Variants in MEGF11 observed in about 807,000 individuals in gnomAD.
MEGF11 encodes the protein multiple EGF like domains 11.
A neutral mutation model predicts 146.6 loss-of-function variants in MEGF11; 126 were observed. The observed-to-expected ratio is 0.86, with a 90% CI of 0.74 to 1.00. The LOEUF (loss-of-function observed/expected upper bound fraction) is 1.00, where lower values mean the gene tolerates loss of function less well. Among genes scored for constraint, MEGF11 ranks in the 50% least tolerant of loss-of-function variants. MEGF11 has a pLI of 0.00. For synonymous variants in MEGF11, 532 were observed against 583.4 expected, an observed-to-expected ratio of 0.91 and a Z score of 1.27; for missense variants, 1,509 against 1,521.2, an observed-to-expected ratio of 0.99 and a Z score of 0.13.
chr15:66,095,822 CG>C (rs1490403282), intron 4 of MEGF11, among the ~76,000 whole-genome samples: 4 of 152,160 alleles, frequency 2.6e-5, no homozygotes, highest in Non-Finnish European at 4.4e-5. Context: ...AGGTAGCCTT[CG>C]GGGAGGGTTG....
intron 13 of MEGF11, 51 bp from the exon 14 acceptor site, chr15:65,923,020 G>C: frequency 2.5e-6 from 4 of 1,586,802 alleles, no homozygotes; most frequent in Non-Finnish European, 3.4e-6. Context: ...TGAGGATGAA[G>C]GGAAGAATGG....
intron 4 of MEGF11, among the ~76,000 whole-genome samples, chr15:66,095,173 C>T (rs1360277236): frequency 6.6e-6 from 1 of 152,236 alleles, no homozygotes; most frequent in South Asian, 2.1e-4. Flanking sequence ...TGGGAGGTTA[C>T]AGCGGCAGGC....
intron 1 of MEGF11, among the ~76,000 whole-genome samples, chr15:66,228,670 C>A (rs1323858485): frequency 6.6e-6 from 1 of 152,220 alleles, no homozygotes; most frequent in Non-Finnish European, 1.5e-5. Flanking sequence ...GGTTGGGACT[C>A]ATCACCTTAT....
At chr15:65,965,616 T>TCTTTCTTTCTTTCTTTCTTTC (rs1567180156) in intron 8 of MEGF11, among the ~76,000 whole-genome samples, 9 of 115,448 alleles carry the variant, frequency 7.8e-5, no homozygotes, top group East Asian at 2.4e-4. Context: ...TTTTTTTCTT[T>TCTTTCTTTCTTTCTTTCTTTC]TTTTTTTTTT....
chr15:66,151,189 G>A (rs756906318), intron 1 of MEGF11, among the ~76,000 whole-genome samples: 23 of 152,226 alleles, frequency 1.5e-4, no homozygotes, highest in Middle Eastern at 3.4e-3. Flanking sequence ...GGCTGCATGC[G>A]GAAAGCCACA....
intron 5 of MEGF11, among the ~76,000 whole-genome samples, chr15:66,092,323 C>T (rs1197279079): frequency 6.6e-6 from 1 of 152,248 alleles, no homozygotes; most frequent in Non-Finnish European, 1.5e-5. Flanking sequence ...TTCAATGCTG[C>T]TGTCCCTCAA....
intron 9 of MEGF11, among the ~76,000 whole-genome samples, chr15:65,961,841 G>C (rs2080867792): frequency 6.6e-6 from 1 of 152,084 alleles, no homozygotes; most frequent in Non-Finnish European, 1.5e-5. Flanking sequence ...AGAAGGCAGG[G>C]AGCTTTGAGG....
At chr15:66,238,644 T>G (rs1213042268) in intron 1 of MEGF11, among the ~76,000 whole-genome samples, 1 of 152,124 alleles carries the variant, frequency 6.6e-6, no homozygotes, top group African/African-American at 2.4e-5. Flanking sequence ...CTGAGATAGG[T>G]TCTATCATAA....
intron 23 of MEGF11, among the ~76,000 whole-genome samples, chr15:65,908,084 C>T (rs2078684771): frequency 6.6e-6 from 1 of 152,150 alleles, no homozygotes. Context: ...ATTAAATGCC[C>T]TAGATACTGT....
At chr15:66,129,583 C>T (rs2088553954) in intron 1 of MEGF11, among the ~76,000 whole-genome samples, 1 of 152,142 alleles carries the variant, frequency 6.6e-6, no homozygotes, top group Admixed American at 6.5e-5. Context: ...GGGTCACAGG[C>T]TTGAAATGGT....
At chr15:66,044,362 C>T (rs1305338401) in intron 5 of MEGF11, among the ~76,000 whole-genome samples, 2 of 152,152 alleles carry the variant, frequency 1.3e-5, no homozygotes, top group African/African-American at 2.4e-5. Flanking sequence ...CATCCATCAC[C>T]TGCTCATTAC....
At chr15:66,089,280 T>C (rs1027712786) in intron 5 of MEGF11, among the ~76,000 whole-genome samples, 1 of 152,224 alleles carries the variant, frequency 6.6e-6, no homozygotes, top group African/African-American at 2.4e-5. Context: ...AGTCCTGCCT[T>C]GTGCCCAGTG....
chr15:65,905,702 A>G (rs981205239), intron 24 of MEGF11: 1 of 166,622 alleles, frequency 6.0e-6, no homozygotes, highest in Admixed American at 6.4e-5. Flanking sequence ...GCAGGGTGGC[A>G]TTCCTTGCTA....
chr15:65,929,966 G>A (rs2079515662), intron 11 of MEGF11, 83 bp from the exon 12 acceptor site: 5 of 1,335,930 alleles, frequency 3.7e-6, no homozygotes, highest in East Asian at 5.1e-5. Flanking sequence ...TCTGCACACA[G>A]CATTCCACCC....
chr15:65,957,693 A>G lies in MEGF11; in HGVS notation c.1141T>C (p.Cys381Arg). ...TGGTGACCAGACCAGCCTGGCTGGC[A>G]GGTACAAGCTCCAGTTACTGGGTGG... ...SCHPVTGACT[C>R]QPGWSGHHCN... Residue 381 changes from cysteine (C) to arginine (R), a missense_variant, in exon 10 of 26, where the codon TGC becomes CGC. By Grantham distance (180) the Cys-to-Arg change is radical (BLOSUM62 -3). Transcript: ENST00000395614. 6.2e-7 allele frequency: 1 copy of G among 1,613,848 alleles called. No homozygotes were observed. The highest frequency in any genetic ancestry group is 1.3e-5 in the African/African-American group (1 of 75,036).
intron 24 of MEGF11, 66 bp from the exon 25 acceptor site, chr15:65,899,000 A>C (rs2078426307): frequency 6.6e-7 from 1 of 1,521,644 alleles, no homozygotes; most frequent in Non-Finnish European, 9.0e-7. Context: ...TATCAGAAGC[A>C]GACTGCAGTT....
At chr15:66,179,273 C>G (rs887390823) in intron 1 of MEGF11, among the ~76,000 whole-genome samples, 2 of 152,210 alleles carry the variant, frequency 1.3e-5, no homozygotes, top group African/African-American at 4.8e-5. Flanking sequence ...GCTGGGACTA[C>G]TGGTACACGC....
At chr15:66,109,699 C>G (rs2087287705) in intron 4 of MEGF11, among the ~76,000 whole-genome samples, 1 of 152,204 alleles carries the variant, frequency 6.6e-6, no homozygotes, top group East Asian at 1.9e-4. Flanking sequence ...CTCTTGTTCT[C>G]CTGGTGAATT....
intron 10 of MEGF11, among the ~76,000 whole-genome samples, chr15:65,956,525 T>C (rs1216553917): frequency 6.6e-6 from 1 of 151,930 alleles, no homozygotes; most frequent in Non-Finnish European, 1.5e-5. Context: ...GTGAGTAGGA[T>C]AGCCAGGGTG....
Sources: allele counts gnomAD v4.1 joint callset (sites outside exome capture counted in the v4.1 genomes callset), GRCh38; gene constraint gnomAD v4.1.1; transcripts MANE v1.5; gene names NCBI Gene and HGNC (gene_info 2026-07-23, HGNC 2026-07-21).